Variants in CTNNA2 observed in about 807,000 individuals in gnomAD.
CTNNA2 encodes the protein catenin alpha 2, also known as catenin alpha-2.
A neutral mutation model predicts 101.0 loss-of-function variants in CTNNA2; 42 were observed. The ratio of observed to expected loss-of-function variants is 0.42; its 90% CI spans 0.32 to 0.54. CTNNA2 has a LOEUF of 0.54. CTNNA2 is among the 20% of genes least tolerant of loss of function. The probability of loss-of-function intolerance (pLI) is 0.14; values close to 1 mark genes in which losing one functional copy is unlikely to be tolerated. For synonymous variants in CTNNA2, 450 were observed against 456.4 expected (o/e 0.99, Z 0.18); for missense variants, 871 against 1,223.1 (o/e 0.71, Z 4.29).
At chr2:79,525,043 T>C (rs1457611376) in intron 1 of CTNNA2, among the ~76,000 whole-genome samples, 2 of 151,990 alleles carry the variant, frequency 1.3e-5, no homozygotes, top group Non-Finnish European at 2.9e-5. Flanking sequence ...GTAAACTTTT[T>C]TTATTTATCC....
At chr2:79,867,180 T>C (rs1331050689) in intron 4 of CTNNA2, among the ~76,000 whole-genome samples, 1 of 152,194 alleles carries the variant, frequency 6.6e-6, no homozygotes, top group Non-Finnish European at 1.5e-5. Flanking sequence ...CACTTTCCTT[T>C]CTCTAGCTGC....
intron 2 of CTNNA2, among the ~76,000 whole-genome samples, chr2:79,659,936 T>A (rs72923357): frequency 0.04 from 6,096 of 152,242 alleles, 389 homozygotes; most frequent in African/African-American, 0.14. Context: ...CAGGTTATAG[T>A]AAGCTATGAT....
At chr2:79,703,154 G>A (rs1019052408) in intron 2 of CTNNA2, among the ~76,000 whole-genome samples, 2 of 152,200 alleles carry the variant, frequency 1.3e-5, no homozygotes, top group African/African-American at 4.8e-5. Context: ...CTCCAACTTA[G>A]CAGAGAGGCT....
intron 7 of CTNNA2, among the ~76,000 whole-genome samples, chr2:80,193,878 T>C (rs1056888990): frequency 6.6e-6 from 1 of 152,196 alleles, no homozygotes; most frequent in African/African-American, 2.4e-5. Flanking sequence ...TCTGAATGTT[T>C]TCATTCTGAC....
intron 7 of CTNNA2, among the ~76,000 whole-genome samples, chr2:80,060,449 C>G (rs141720542): frequency 6.6e-6 from 1 of 152,122 alleles, no homozygotes; most frequent in African/African-American, 2.4e-5. Flanking sequence ...GATCTCATTA[C>G]CCTTCTGGTG....
At chr2:79,546,645 A>G (rs1673748409) in intron 1 of CTNNA2, among the ~76,000 whole-genome samples, 1 of 152,126 alleles carries the variant, frequency 6.6e-6, no homozygotes, top group Non-Finnish European at 1.5e-5. Context: ...CCCTGCTACA[A>G]ACCAAAATGT....
chr2:80,284,107 G>T (rs1399453725), intron 7 of CTNNA2, among the ~76,000 whole-genome samples: 1 of 151,984 alleles, frequency 6.6e-6, no homozygotes, highest in African/African-American at 2.4e-5. Flanking sequence ...TACATTTAGC[G>T]GGACTACACA....
At chr2:80,633,471 C>T (rs376900521) in intron 18 of CTNNA2, among the ~76,000 whole-genome samples, 4 of 152,174 alleles carry the variant, frequency 2.6e-5, no homozygotes, top group East Asian at 3.9e-4. Flanking sequence ...AAGTTCACCT[C>T]ATGACTGCTT....
chr2:79,438,959 A>G (rs1415280220), intron 4 of CTNNA2, among the ~76,000 whole-genome samples: 1 of 152,220 alleles, frequency 6.6e-6, no homozygotes, highest in East Asian at 1.9e-4. Flanking sequence ...GAACCCTTAT[A>G]GGTTGCTAGT....
chr2:80,132,515 C>G (rs879412495), intron 7 of CTNNA2, among the ~76,000 whole-genome samples: 1 of 151,994 alleles, frequency 6.6e-6, no homozygotes, highest in Non-Finnish European at 1.5e-5. Context: ...TAATTCCCTC[C>G]TAGGATGGGT....
chr2:79,279,303 G>A, intron 2 of CTNNA2, among the ~76,000 whole-genome samples: 1 of 152,020 alleles, frequency 6.6e-6, no homozygotes. Context: ...AGGAGTGGAT[G>A]GTATAACAAT....
chr2:80,306,499 C>A (rs1291050780), intron 7 of CTNNA2, among the ~76,000 whole-genome samples: 1 of 145,460 alleles, frequency 6.9e-6, no homozygotes, highest in Non-Finnish European at 1.5e-5. Flanking sequence ...TTGATGATTG[C>A]CTCTCTGTCA....
At chr2:79,612,634 A>T (rs953441969) in intron 1 of CTNNA2, among the ~76,000 whole-genome samples, 1 of 152,158 alleles carries the variant, frequency 6.6e-6, no homozygotes, top group Non-Finnish European at 1.5e-5. Flanking sequence ...ATGATTGTAG[A>T]ATGAGCTCTG....
At chr2:79,464,242 T>C (rs1670908965) in intron 4 of CTNNA2, among the ~76,000 whole-genome samples, 1 of 152,158 alleles carries the variant, frequency 6.6e-6, no homozygotes, top group South Asian at 2.1e-4. Context: ...GTTTGGTTTT[T>C]TTGTCCTTGT....
At chr2:79,286,158 G>A (rs1675571636) in intron 2 of CTNNA2, among the ~76,000 whole-genome samples, 1 of 152,134 alleles carries the variant, frequency 6.6e-6, no homozygotes, top group South Asian at 2.1e-4. Flanking sequence ...CTCTGCATGT[G>A]AGATGGGTTT....
chr2:79,308,433 C>G (rs1333228162), intron 2 of CTNNA2, among the ~76,000 whole-genome samples: 1 of 152,174 alleles, frequency 6.6e-6, no homozygotes, highest in Non-Finnish European at 1.5e-5. Flanking sequence ...AACACAAATA[C>G]TTTCTCCCAT....
intron 2 of CTNNA2, among the ~76,000 whole-genome samples, chr2:79,247,271 A>G (rs1674712497): frequency 6.6e-6 from 1 of 152,170 alleles, no homozygotes; most frequent in Non-Finnish European, 1.5e-5. Context: ...CTTACTTTTA[A>G]CTGTTAATTT....
At chr2:79,861,338 AG>A (rs1681607684) in intron 4 of CTNNA2, among the ~76,000 whole-genome samples, 1 of 152,208 alleles carries the variant, frequency 6.6e-6, no homozygotes, top group African/African-American at 2.4e-5. Flanking sequence ...TGAGTAACTC[AG>A]AGGAACAAAG....
intron 7 of CTNNA2, among the ~76,000 whole-genome samples, chr2:79,935,344 C>G (rs963314163): frequency 6.9e-6 from 1 of 144,156 alleles, no homozygotes; most frequent in East Asian, 2.0e-4. Flanking sequence ...TCTTCTTTCT[C>G]TCTCTCTCTT....
Sources: gnomAD v4.1 joint callset for allele counts (sites outside exome capture counted in the v4.1 genomes callset) on GRCh38, gnomAD v4.1.1 for gene constraint, MANE v1.5 for transcripts, NCBI Gene and HGNC (gene_info 2026-07-23, HGNC 2026-07-21) for gene names.